Variants in UGT2B15 observed in about 807,000 individuals in gnomAD.
The protein encoded by UGT2B15 is UDP glucuronosyltransferase family 2 member B15.
In UGT2B15, 36 loss-of-function variants were observed where a neutral mutation model predicts 45.9. The ratio of observed to expected loss-of-function variants is 0.78; its 90% CI spans 0.60 to 1.04. The LOEUF is 1.04. UGT2B15 is among the 50% of genes least tolerant of loss of function. UGT2B15 has a pLI of 0.00. For missense variants in UGT2B15, 617 were observed against 622.4 expected (o/e 0.99, Z 0.09); for synonymous variants, 219 against 216.4 (o/e 1.01, Z -0.11).
chr4:68,667,970 C>T, intron 2 of UGT2B15, 70 bp downstream of exon 2: 1 of 1,574,654 alleles, frequency 6.4e-7, no homozygotes, highest in South Asian at 1.2e-5. Context: ...GTTAAACACT[C>T]TGAAAGAAAC....
At position 68,654,708 on chromosome 4, in the gene UGT2B15, G is replaced by A. The variant is rs184321905; in HGVS notation, c.1093+387C>T. Among the ~76,000 whole-genome samples the A allele has an allele frequency of 3.5e-3, 536 of 152,036 alleles. 12 individuals carry two copies. Among genetic ancestry groups the A allele is most frequent in the Admixed American group, 7.3e-3 (111 of 15,244 alleles). On this transcript the variant is annotated intron_variant, in intron 4 of 5. Transcript: ENST00000338206. ...TGGTTATTTATTCCCATAAAAAGTA[G>A]AGTCACTGGTAATAGAAAAGTGTCC...
chr4:68,662,389 G>GTT (rs563877748), intron 3 of UGT2B15, among the ~76,000 whole-genome samples: 102 of 144,410 alleles, frequency 7.1e-4, no homozygotes, highest in Admixed American at 6.3e-4. Context: ...GAGCAGACAA[G>GTT]TTTTTTTTTT....
At position 68,655,096 on chromosome 4, in the gene UGT2B15, A is replaced by C. The variant is rs1374449283; in HGVS notation, c.1092T>G (p.Leu364=). ...LYKWLPQNDL[L]GHPKTKAFIT... is the part of the protein sequence containing the mutation. ...ACTGTTTGTTCTCCAGAATCTTACC[A>C]AGAAGGTCATTCTGGGGTAACCACT... The change falls in exon 4 of 6, where the codon CTT becomes CTG. Residue 364 remains leucine, a splice_region_variant and synonymous_variant. Coordinates refer to ENST00000338206, the MANE Select transcript of UGT2B15 (RefSeq NM_001076.4). 1.2e-6 allele frequency: 2 copies of C among 1,612,876 alleles called. No homozygotes were observed. Among genetic ancestry groups the C allele is most frequent in the African/African-American group, 1.3e-5 (1 of 74,980 alleles).
At chr4:68,647,468 G>C (rs1445947252) in intron 5 of UGT2B15, 85 bp from the exon 6 acceptor site, 2 of 1,401,122 alleles carry the variant, frequency 1.4e-6, no homozygotes, top group Admixed American at 4.6e-5. Context: ...TTTGAAAAGT[G>C]TCACACAAAT....
chr4:68,663,556 G>GTTTTA (rs1733026613), intron 2 of UGT2B15, among the ~76,000 whole-genome samples: 1 of 151,928 alleles, frequency 6.6e-6, no homozygotes, highest in African/African-American at 2.4e-5. Context: ...ATTTGGGGTA[G>GTTTTA]TTTTATTTTA....
Position 68,647,199 on chromosome 4 carries a change from C to T in UGT2B15, c.1498G>A (p.Ala500Thr), listed in dbSNP as rs72551390. ...ATAAATATCACAGTTGCCACGCAGG[C>T]CAGCAGGAATGCTATCACATCCAAA... The part of the protein sequence containing the change: ...HSLDVIAFLL[A>T]CVATVIFIIT... The change falls in exon 6 of 6, where the codon GCC becomes ACC. Residue 500 changes from alanine to threonine, a missense_variant. This residue lies in a region of UGT2B15 where 265 missense variants were observed against 245.1 expected (regional missense o/e 1.08). Transcript: ENST00000338206. 2.6e-4 allele frequency: 421 copies of T among 1,613,920 alleles called. 2 individuals are homozygous for T. Among genetic ancestry groups the T allele is most frequent in the Non-Finnish European group, 3.3e-4 (395 of 1,179,914 alleles).
At chr4:68,655,334 A>T in intron 3 of UGT2B15, 152 bp from the exon 4 acceptor site, 1 of 970,670 alleles carries the variant, frequency 1.0e-6, no homozygotes, top group Non-Finnish European at 1.5e-6. Context: ...AACTACTAAA[A>T]GTTTGAGGTA....
intron 5 of UGT2B15, among the ~76,000 whole-genome samples, chr4:68,647,997 C>T (rs1732533168): frequency 6.6e-6 from 1 of 152,038 alleles, no homozygotes; most frequent in Non-Finnish European, 1.5e-5. Flanking sequence ...GTTGGCCCTA[C>T]AGACATGAAC....
chr4:68,648,679 A>G (rs1000116040), intron 5 of UGT2B15, among the ~76,000 whole-genome samples: 4 of 152,248 alleles, frequency 2.6e-5, no homozygotes, highest in African/African-American at 4.8e-5. Context: ...GAAGACACCA[A>G]TTTATCACAA....
chr4:68,650,069 C>T (rs952951867), intron 5 of UGT2B15, among the ~76,000 whole-genome samples: 18 of 152,060 alleles, frequency 1.2e-4, no homozygotes, highest in South Asian at 4.2e-4. Context: ...ATCTTGACCT[C>T]GTGATCTGCC....
Position 68,647,083 on chromosome 4 carries a change from C to T in UGT2B15, c.*21G>A. The T allele has an allele frequency of 1.3e-6, 2 of 1,597,232 alleles. No individual in the cohort carries two copies. Among genetic ancestry groups the T allele is most frequent in the Non-Finnish European group, 1.7e-6 (2 of 1,169,918 alleles). Reference sequence around the variant, plus strand: ...GAGGAGTCCCATCTTTCAGTCATTCCACTTCAGGCTTTTGATATAACTAAT... The same window carrying T: ...GAGGAGTCCCATCTTTCAGTCATTCTACTTCAGGCTTTTGATATAACTAAT... On this transcript the variant is annotated 3_prime_UTR_variant, in exon 6 of 6. Transcript: ENST00000338206.
rs1341869932 is a variant in UGT2B15 at position 68,670,320 on chromosome 4, C to G, written c.299G>C (p.Gly100Ala). Residue 100 changes from glycine (G) to alanine (A), a missense_variant, in exon 1 of 6, where the codon GGT (glycine) becomes GCT (alanine). Coordinates refer to ENST00000338206, the MANE Select transcript of UGT2B15 (RefSeq NM_001076.4). ...LLKILDRWIY[G>A]VSKNTFWSYF... ...TGACCAAAATGTATTTTTTGAAACACCATATATCCATCTATCGAGAATTTT... is the reference window on the plus strand; with the variant it reads ...TGACCAAAATGTATTTTTTGAAACAGCATATATCCATCTATCGAGAATTTT... The G allele has an allele frequency of 6.2e-7, 1 of 1,613,922 alleles. No homozygotes were observed. Among genetic ancestry groups the G allele is most frequent in the Non-Finnish European group, 8.5e-7 (1 of 1,179,948 alleles).
At chr4:68,653,759 G>A (rs1011181674) in intron 5 of UGT2B15, among the ~76,000 whole-genome samples, 33 of 151,764 alleles carry the variant, frequency 2.2e-4, no homozygotes, top group African/African-American at 8.0e-4. Flanking sequence ...TCTTTTCATT[G>A]TGCATTCTAT....
intron 5 of UGT2B15, among the ~76,000 whole-genome samples, chr4:68,652,615 C>T (rs188951695): frequency 1.3e-5 from 2 of 151,314 alleles, no homozygotes; most frequent in Non-Finnish European, 2.9e-5. Context: ...CTAGGCACAG[C>T]ATTTTTCATA....
Position 68,654,053 on chromosome 4 carries a change from C to G in UGT2B15, c.1297G>C (p.Val433Leu). 6.2e-7 allele frequency: 1 copy of G among 1,613,344 alleles called. No homozygotes were observed. Among genetic ancestry groups the G allele is most frequent in the South Asian group, 1.1e-5 (1 of 91,014 alleles). ...SRDLLNALKS[V>L]INDPVYKENV... ...AATACTCACACAGGGTCATTAATGA[C>G]TGACTTCAATGCATTGAGCAAATCT... The change falls in exon 5 of 6, where the codon GTC (valine) becomes CTC (leucine). Residue 433 changes from valine to leucine, a missense_variant. Val to Leu is a conservative substitution (Grantham distance 32, BLOSUM62 1). Around this residue, in one of 3 missense-constraint regions of UGT2B15, gnomAD observed 265 missense variants for 245.1 expected, o/e 1.08. Transcript: ENST00000338206.
intron 4 of UGT2B15, among the ~76,000 whole-genome samples, chr4:68,654,748 C>T (rs1418228351): frequency 6.6e-6 from 1 of 151,690 alleles, no homozygotes; most frequent in Non-Finnish European, 1.5e-5. Flanking sequence ...TTTTTCAGTG[C>T]CTGTTGAAAT....
At chr4:68,667,970 C>A in intron 2 of UGT2B15, 70 bp downstream of exon 2, 2 of 1,574,654 alleles carry the variant, frequency 1.3e-6, no homozygotes, top group Non-Finnish European at 1.7e-6. Context: ...GTTAAACACT[C>A]TGAAAGAAAC....
At position 68,669,852 on chromosome 4, in the gene UGT2B15, A is replaced by G. The variant is rs200448330; in HGVS notation, c.724+43T>C. 13 of 1,553,636 alleles carry G rather than the reference A, an allele frequency of 8.4e-6. No homozygotes were observed. In the East Asian group the frequency reaches 2.9e-4, roughly 35 times the overall value. ...TATAAGCTCACCTTCAAAGGCACAG[A>G]AAAGTTAGAACTTAATAAGCACCAG... On this transcript the variant is annotated intron_variant, in intron 1 of 5. Transcript: ENST00000338206.
chr4:68,655,440 T>C (rs1052374923), intron 3 of UGT2B15, among the ~76,000 whole-genome samples: 2 of 151,922 alleles, frequency 1.3e-5, no homozygotes, highest in Non-Finnish European at 2.9e-5. Context: ...ACACATGAGA[T>C]TGTGAAAGGA....
Sources: allele counts gnomAD v4.1 joint callset (sites outside exome capture counted in the v4.1 genomes callset), GRCh38; gene constraint gnomAD v4.1.1; regional missense constraint gnomAD v4.1.1; transcripts MANE v1.5; gene names NCBI Gene and HGNC (gene_info 2026-07-23, HGNC 2026-07-21).